DCC: variants seen among roughly 807,000 people sequenced by gnomAD.
DCC encodes netrin receptor DCC.
In DCC, 58 loss-of-function variants were observed where a neutral mutation model predicts 172.5. That is an observed-to-expected ratio of 0.34 (90% CI 0.27 to 0.42). The LOEUF is 0.42. DCC is among the 10% of genes least tolerant of loss of function. The pLI, the probability that DCC is intolerant of heterozygous loss-of-function variation, is 1.00. For missense variants in DCC, 1,740 were observed against 1,791.0 expected (o/e 0.97, Z 0.51); for synonymous variants, 709 against 644.5 (o/e 1.10, Z -1.52).
At chr18:53,487,329 T>C (rs2045912946) in intron 26 of DCC, among the ~76,000 whole-genome samples, 1 of 152,236 alleles carries the variant, frequency 6.6e-6, no homozygotes, top group South Asian at 2.1e-4. Context: ...GTCTCACTGA[T>C]TGCTGATGAA....
chr18:52,683,991 T>C (rs867362922), intron 1 of DCC, among the ~76,000 whole-genome samples: 2 of 152,240 alleles, frequency 1.3e-5, no homozygotes. Flanking sequence ...ATGAAACATA[T>C]ATAATCCTTG....
chr18:53,404,445 A>G (rs1909524082), intron 19 of DCC, among the ~76,000 whole-genome samples: 1 of 123,178 alleles, frequency 8.1e-6, no homozygotes, highest in East Asian at 2.9e-4. Context: ...AAGAAATGCA[A>G]ATTTGACTGG....
chr18:52,962,742 T>C (rs2040863063), intron 5 of DCC, among the ~76,000 whole-genome samples: 1 of 151,960 alleles, frequency 6.6e-6, no homozygotes, highest in South Asian at 2.1e-4. Context: ...TAAGAAAATG[T>C]GGCACATATA....
chr18:53,168,822 G>C (rs1255750570), intron 8 of DCC, among the ~76,000 whole-genome samples: 1 of 152,060 alleles, frequency 6.6e-6, no homozygotes, highest in East Asian at 1.9e-4. Flanking sequence ...AGATGACTGT[G>C]CAAAGCTTTG....
At chr18:52,991,560 C>G (rs1014377074) in intron 5 of DCC, among the ~76,000 whole-genome samples, 2 of 152,130 alleles carry the variant, frequency 1.3e-5, no homozygotes, top group Admixed American at 6.6e-5. Context: ...CTGTGAATCC[C>G]TCTTCAGTTT....
intron 1 of DCC, among the ~76,000 whole-genome samples, chr18:52,489,696 C>A (rs1340085116): frequency 6.6e-6 from 1 of 151,984 alleles, no homozygotes; most frequent in Non-Finnish European, 1.5e-5. Context: ...AAAGATGGTG[C>A]TTCCCTCACT....
At chr18:52,908,290 A>G (rs2039920469) in intron 3 of DCC, among the ~76,000 whole-genome samples, 1 of 152,230 alleles carries the variant, frequency 6.6e-6, no homozygotes. Flanking sequence ...CATTAGTCAC[A>G]GGGATACTGA....
At chr18:52,427,835 T>TCTTCCTTCCTTTCTTCCTTCCTTCCTTC (rs1481412682) in intron 1 of DCC, among the ~76,000 whole-genome samples, 1 of 46,018 alleles carries the variant, frequency 2.2e-5, no homozygotes, top group African/African-American at 6.1e-5. Flanking sequence ...TTCCTTCCTT[T>TCTTCCTTCCTTTCTTCCTTCCTTCCTTC]CTTCCTTCCT....
Position 53,205,121 on chromosome 18 carries a change from A to T in DCC, c.1574-95A>T. On this transcript the variant is annotated intron_variant, in intron 9 of 28. Transcript: ENST00000442544. Reference sequence around the variant, plus strand: ...CTAAAATACATACTCCTAGAATTTTATTGAACTGTAAAAATGTAATTTTGT... The same window carrying T: ...CTAAAATACATACTCCTAGAATTTTTTTGAACTGTAAAAATGTAATTTTGT... 5 of 932,434 alleles carry T rather than the reference A, an allele frequency of 5.4e-6. No homozygotes were observed. The South Asian group carries it at 6.6e-5, about 12-fold the overall frequency. 57.8% of individuals were successfully genotyped at this position (932,434 alleles called of 1,614,324 possible).
At chr18:52,904,243 G>C (rs1326736938) in intron 2 of DCC, among the ~76,000 whole-genome samples, 1 of 152,140 alleles carries the variant, frequency 6.6e-6, no homozygotes, top group Non-Finnish European at 1.5e-5. Context: ...TCTTAATATT[G>C]CATCTCTAGG....
At chr18:52,656,724 CT>C (rs2144937884) in intron 1 of DCC, among the ~76,000 whole-genome samples, 1 of 152,028 alleles carries the variant, frequency 6.6e-6, no homozygotes, top group South Asian at 2.1e-4. Context: ...AGGGCCTTGA[CT>C]TTAATGGTCT....
At chr18:52,380,379 T>C (rs1380235407) in intron 1 of DCC, among the ~76,000 whole-genome samples, 1 of 152,120 alleles carries the variant, frequency 6.6e-6, no homozygotes, top group Non-Finnish European at 1.5e-5. Context: ...ATTCTTAGTA[T>C]ACCATCTTAC....
intron 5 of DCC, among the ~76,000 whole-genome samples, chr18:52,949,638 G>A (rs1038311853): frequency 1.3e-5 from 2 of 152,174 alleles, no homozygotes; most frequent in Non-Finnish European, 2.9e-5. Context: ...AGTATGTGTG[G>A]TAAAGAGATG....
chr18:52,476,265 T>G (rs1331180443), intron 1 of DCC, among the ~76,000 whole-genome samples: 2 of 152,200 alleles, frequency 1.3e-5, no homozygotes, highest in Non-Finnish European at 2.9e-5. Flanking sequence ...TCTTTTTCAT[T>G]TCTGACAGAA....
intron 2 of DCC, among the ~76,000 whole-genome samples, chr18:52,873,005 CTG>C (rs1204716525): frequency 5.3e-4 from 81 of 152,312 alleles, no homozygotes; most frequent in African/African-American, 1.8e-3. Flanking sequence ...CCCAGATAAA[CTG>C]TGTTAATCCT....
intron 1 of DCC, among the ~76,000 whole-genome samples, chr18:52,523,140 G>A (rs1238918936): frequency 6.6e-6 from 1 of 152,136 alleles, no homozygotes; most frequent in Non-Finnish European, 1.5e-5. Context: ...TGTTTTTTAG[G>A]TGGTCTCAAG....
chr18:53,381,345 G>A (rs1190860168), intron 15 of DCC, among the ~76,000 whole-genome samples: 1 of 151,972 alleles, frequency 6.6e-6, no homozygotes, highest in Non-Finnish European at 1.5e-5. Flanking sequence ...CATCTGGGTG[G>A]TGGGAACAGA....
intron 15 of DCC, among the ~76,000 whole-genome samples, chr18:53,349,140 G>C (rs1204808383): frequency 6.6e-6 from 1 of 152,144 alleles, no homozygotes; most frequent in Non-Finnish European, 1.5e-5. Context: ...CCTCTTGAAT[G>C]CTTTGCTGCT....
intron 1 of DCC, among the ~76,000 whole-genome samples, chr18:52,647,436 G>A (rs2035040273): frequency 1.3e-5 from 2 of 152,160 alleles, no homozygotes; most frequent in African/African-American, 4.8e-5. Context: ...AGGCTCACTG[G>A]TGTTACTGAT....
Sources: allele counts gnomAD v4.1 joint callset (sites outside exome capture counted in the v4.1 genomes callset), GRCh38; gene constraint gnomAD v4.1.1; transcripts MANE v1.5; gene names NCBI Gene and HGNC (gene_info 2026-07-23, HGNC 2026-07-21).